The following DNAJC15 variants were observed in gnomAD, a reference collection of about 807,000 sequenced individuals.
DNAJC15 encodes the protein DnaJ heat shock protein family (Hsp40) member C15.
A neutral mutation model predicts 22.4 loss-of-function variants in DNAJC15; 27 were observed. The observed-to-expected ratio is 1.20, with a 90% confidence interval of 0.89 to 1.66. The LOEUF (loss-of-function observed/expected upper bound fraction) is 1.66, where lower values mean the gene tolerates loss of function less well. DNAJC15 is among the 40% of genes most tolerant of loss of function. DNAJC15 has a pLI of 0.00. For missense variants in DNAJC15, 208 were observed against 187.1 expected, an observed-to-expected ratio of 1.11 and a Z score of -0.65; for synonymous variants, 79 against 63.2, an observed-to-expected ratio of 1.25 and a Z score of -1.19.
rs138772674 is a variant in DNAJC15, at chr13:43,066,536, C to T, written c.160+799C>T. 8.8e-3 allele frequency among the ~76,000 whole-genome samples: 1,339 copies of T among 152,336 alleles called. 8 individuals carry two copies. The highest frequency in any genetic ancestry group is 0.013 in the Non-Finnish European group (889 of 68,034). Reference sequence around the variant, plus strand: ...CTGAACCTAATCACATCTGCAAAGTCAGTTTTATTACATAAGGGTAACATA... The same window carrying T: ...CTGAACCTAATCACATCTGCAAAGTTAGTTTTATTACATAAGGGTAACATA... On this transcript the variant is annotated intron_variant, in intron 2 of 5. Coordinates refer to ENST00000379221, the MANE Select transcript of DNAJC15 (RefSeq NM_013238.3).
intron 5 of DNAJC15, among the ~76,000 whole-genome samples, chr13:43,087,376 C>G (rs2040693665): frequency 6.6e-6 from 1 of 152,162 alleles, no homozygotes; most frequent in East Asian, 1.9e-4. Context: ...TGGAACTTCT[C>G]TCTTTGATGG....
chr13:43,034,889 G>T (rs1306610849), intron 1 of DNAJC15, among the ~76,000 whole-genome samples: 2 of 152,028 alleles, frequency 1.3e-5, no homozygotes, highest in South Asian at 2.1e-4. Flanking sequence ...CCAAAATCAG[G>T]CATTTCTCCA....
chr13:43,027,497 A>G (rs1269250931), intron 1 of DNAJC15, among the ~76,000 whole-genome samples: 1 of 152,228 alleles, frequency 6.6e-6, no homozygotes, highest in Non-Finnish European at 1.5e-5. Context: ...ATACGTGAAA[A>G]CTAAAACCTG....
intron 2 of DNAJC15, 53 bp from the exon 3 acceptor site, chr13:43,068,877 G>T (rs1212898744): frequency 6.8e-7 from 1 of 1,479,702 alleles, no homozygotes; most frequent in Non-Finnish European, 9.3e-7. Flanking sequence ...TGAAGGTGTT[G>T]ATTGATTTTG....
intron 3 of DNAJC15, among the ~76,000 whole-genome samples, chr13:43,074,753 A>T (rs903520389): frequency 6.6e-6 from 1 of 152,190 alleles, no homozygotes; most frequent in Admixed American, 6.5e-5. Flanking sequence ...TAAGACCTAA[A>T]TTTTCTAGAA....
At chr13:43,030,253 A>G (rs1447884931) in intron 1 of DNAJC15, among the ~76,000 whole-genome samples, 1 of 152,228 alleles carries the variant, frequency 6.6e-6, no homozygotes, top group Non-Finnish European at 1.5e-5. Flanking sequence ...AACACCAAAT[A>G]TATGGAAGCT....
chr13:43,072,379 A>G (rs1037909698), intron 3 of DNAJC15, among the ~76,000 whole-genome samples: 3 of 152,094 alleles, frequency 2.0e-5, no homozygotes, highest in Admixed American at 1.3e-4. Flanking sequence ...CTCTGAACAG[A>G]GAGATGAGAA....
rs1320836108 is a variant in DNAJC15 at position 43,023,723 on chromosome 13, C to T, written c.97C>T (p.Gln33Ter). ...SAKRPDADVD[Q>*]QRLVRSLIAV... The stretch of plus-strand genomic sequence containing the variant: ...CAAACGGCCAGACGCCGACGTCGAC[C>T]AGCAGAGACTGGTGAGTCCTGCCAG... Residue 33 changes from glutamine (Q) to a stop codon, truncating the protein, a stop_gained, in exon 1 of 6, where the codon CAG (glutamine) becomes TAG (stop). Coordinates refer to ENST00000379221, the MANE Select transcript of DNAJC15 (RefSeq NM_013238.3). LOFTEE classifies it high-confidence loss of function. The T allele has an allele frequency of 1.2e-6, 2 of 1,610,018 alleles. No homozygotes were observed. Among genetic ancestry groups the T allele is most frequent in the South Asian group, 2.2e-5 (2 of 90,438 alleles).
rs1031002693 is a variant in DNAJC15, at chr13:43,059,066, A to C, written c.109-6620A>C. ...ATGTTTCTGGAGTAGTTCTTGGAGC[A>C]AAAGTTCACGGTGTGAGTCTCCACA... On this transcript the variant is annotated intron_variant, in intron 1 of 5. Coordinates refer to ENST00000379221, the MANE Select transcript of DNAJC15 (RefSeq NM_013238.3). 3.3e-5 allele frequency among the ~76,000 whole-genome samples: 5 copies of C among 152,270 alleles called. No individual in the cohort carries two copies. The East Asian group carries it at 9.7e-4, about 29-fold the overall frequency.
chr13:43,101,125 G>T (rs2040766941), intron 5 of DNAJC15, among the ~76,000 whole-genome samples: 1 of 152,128 alleles, frequency 6.6e-6, no homozygotes, highest in African/African-American at 2.4e-5. Flanking sequence ...TTACTTTTCA[G>T]TATTTTTGTC....
intron 1 of DNAJC15, among the ~76,000 whole-genome samples, chr13:43,063,385 ACGTGTATTC>A (rs1160802112): frequency 2.0e-5 from 3 of 152,188 alleles, no homozygotes; most frequent in African/African-American, 7.2e-5. Context: ...TAAATCTTTT[ACGTGTATTC>A]TTATATTTTA....
At position 43,107,411 on chromosome 13, in the gene DNAJC15, G is replaced by T; in HGVS notation, c.*163G>T. On this transcript the variant is annotated 3_prime_UTR_variant, in exon 6 of 6. Transcript: ENST00000379221. ...ATAACAATAAAATGTTAATAGTCTT[G>T]CTTTTTATTATCTTTTAAAGATCTC... 8 of 452,486 alleles carry T rather than the reference G, an allele frequency of 1.8e-5. No individual in the cohort carries two copies. The South Asian group carries it at 2.0e-4, about 12-fold the overall frequency. The allele number at this position is 452,486 out of a possible 1,614,324, so 28.0% of individuals were successfully genotyped here. A position where few individuals can be genotyped will look rare whatever the true frequency, so the allele number is the denominator to read the frequency against.
At chr13:43,073,788 AG>A (rs1026519419) in intron 3 of DNAJC15, among the ~76,000 whole-genome samples, 23 of 151,828 alleles carry the variant, frequency 1.5e-4, no homozygotes, top group African/African-American at 5.1e-4. Flanking sequence ...CTCATTTCAA[AG>A]GCACTTCGGA....
At chr13:43,041,841 G>T (rs2153439860) in intron 1 of DNAJC15, among the ~76,000 whole-genome samples, 1 of 152,320 alleles carries the variant, frequency 6.6e-6, no homozygotes, top group South Asian at 2.1e-4. Flanking sequence ...CTATATACCG[G>T]GAATACAAAG....
Position 43,087,871 on chromosome 13 carries a change from C to T in DNAJC15, c.382+2033C>T, listed in dbSNP as rs183100815. Among the ~76,000 whole-genome samples the T allele has an allele frequency of 1.8e-3, 269 of 152,098 alleles. 1 individual carries two copies. Among genetic ancestry groups the T allele is most frequent in the African/African-American group, 5.9e-3 (245 of 41,484 alleles). On this transcript the variant is annotated intron_variant, in intron 5 of 5. Transcript: ENST00000379221. ...AATTAGTTTTAAATAAGCATTCAGA[C>T]GTATTTTGGTAAAAAGGAAATTTTT...
At chr13:43,097,905 C>CTA (rs2040748742) in intron 5 of DNAJC15, among the ~76,000 whole-genome samples, 1 of 152,126 alleles carries the variant, frequency 6.6e-6, no homozygotes, top group Non-Finnish European at 1.5e-5. Context: ...CCATTGCACT[C>CTA]TAGCCTGGGC....
At chr13:43,024,367 G>A (rs377638217) in intron 1 of DNAJC15, among the ~76,000 whole-genome samples, 2 of 109,802 alleles carry the variant, frequency 1.8e-5, no homozygotes, top group East Asian at 2.6e-4. Context: ...TTTTTGAGAC[G>A]GAGTCTCGCT....
At chr13:43,082,886 A>G (rs1300457899) in intron 4 of DNAJC15, among the ~76,000 whole-genome samples, 1 of 150,634 alleles carries the variant, frequency 6.6e-6, no homozygotes, top group Non-Finnish European at 1.5e-5. Flanking sequence ...GTATGCGTAT[A>G]TGTGTGTATA....
At chr13:43,090,822 C>G (rs2040711246) in intron 5 of DNAJC15, among the ~76,000 whole-genome samples, 1 of 151,786 alleles carries the variant, frequency 6.6e-6, no homozygotes, top group Admixed American at 6.6e-5. Flanking sequence ...ATTCTCCTGC[C>G]TCAGCCTCCT....
Sources: gnomAD v4.1 joint callset for allele counts (sites outside exome capture counted in the v4.1 genomes callset) on GRCh38, gnomAD v4.1.1 for gene constraint, MANE v1.5 for transcripts, NCBI Gene and HGNC (gene_info 2026-07-23, HGNC 2026-07-21) for gene names.